The following MECOM variants were observed in gnomAD, a reference collection of about 807,000 sequenced individuals.
MECOM encodes MDS1 and EVI1 complex locus.
MECOM carries 13 observed loss-of-function variants against 116.3 expected under a neutral mutation model. The observed-to-expected ratio is 0.11, with a 90% CI of 0.07 to 0.18. MECOM has a LOEUF of 0.18. Ranked by LOEUF, MECOM falls within the 10% of genes least tolerant of loss-of-function variation. The pLI, the probability that MECOM is intolerant of heterozygous loss-of-function variation, is 1.00. For missense variants in MECOM, 1,299 were observed against 1,509.0 expected (o/e 0.86, Z 2.31); for synonymous variants, 528 against 535.2 (o/e 0.99, Z 0.19).
intron 2 of MECOM, among the ~76,000 whole-genome samples, chr3:169,157,774 T>C (rs1742207337): frequency 6.6e-6 from 1 of 152,058 alleles, no homozygotes; most frequent in Non-Finnish European, 1.5e-5. Context: ...GGAAAACAAA[T>C]CCAAGTTTGC....
Position 169,122,735 on chromosome 3 carries a change from G to A in MECOM, c.831-8C>T. 1 of 1,611,860 alleles carries A rather than the reference G, an allele frequency of 6.2e-7. No homozygotes were observed. Among genetic ancestry groups the A allele is most frequent in the Non-Finnish European group, 8.5e-7 (1 of 1,178,508 alleles). On this transcript the variant is annotated splice_region_variant and splice_polypyrimidine_tract_variant and intron_variant, in intron 5 of 16. Transcript: ENST00000651503. Reference sequence around the variant, plus strand: ...AGCATGTGTTTCTCCAGGCTGTTAAGAGAACAATAGATTTTAAAAGACAAA... The same window carrying A: ...AGCATGTGTTTCTCCAGGCTGTTAAAAGAACAATAGATTTTAAAAGACAAA...
chr3:169,533,798 T>C (rs977184159), intron 1 of MECOM, among the ~76,000 whole-genome samples: 1 of 152,156 alleles, frequency 6.6e-6, no homozygotes, highest in African/African-American at 2.4e-5. Context: ...TATTACTTAC[T>C]GAAGGCTCCT....
chr3:169,512,321 C>T (rs1469479277), intron 1 of MECOM, among the ~76,000 whole-genome samples: 1 of 152,206 alleles, frequency 6.6e-6, no homozygotes, highest in African/African-American at 2.4e-5. Context: ...TTCCTCTGTT[C>T]CCAGATTTTT....
intron 1 of MECOM, among the ~76,000 whole-genome samples, chr3:169,559,825 A>G (rs1019879626): frequency 2.0e-5 from 3 of 152,150 alleles, no homozygotes; most frequent in African/African-American, 7.2e-5. Context: ...AAACCACACC[A>G]CCACTTACAA....
intron 1 of MECOM, among the ~76,000 whole-genome samples, chr3:169,455,078 G>A (rs1298648073): frequency 1.3e-5 from 2 of 152,134 alleles, no homozygotes; most frequent in Non-Finnish European, 2.9e-5. Context: ...ACATCATCAT[G>A]TGAATGAAAC....
chr3:169,264,420 T>G (rs1577514077), intron 2 of MECOM, among the ~76,000 whole-genome samples: 1 of 152,310 alleles, frequency 6.6e-6, no homozygotes, highest in East Asian at 1.9e-4. Context: ...GTATCGGTAT[T>G]TTAGTTGCAA....
rs532508194 is a variant in MECOM, at chr3:169,385,438, C to T, written c.38-3914G>A. Among the ~76,000 whole-genome samples the T allele has an allele frequency of 6.7e-4, 102 of 151,918 alleles. 1 individual carries two copies. Among genetic ancestry groups the T allele is most frequent in the Non-Finnish European group, 9.6e-4 (65 of 68,002 alleles). ...CAAGCACTAAATATATATGCAAGTG[C>T]AGGCAATTTGTTTTGAAGCCACTTT... On this transcript the variant is annotated intron_variant, in intron 1 of 16. Transcript: ENST00000651503.
In MECOM at chr3:169,416,656, G is replaced by T. The variant is rs181666098; in HGVS notation, c.38-35132C>A. 4.3e-3 allele frequency among the ~76,000 whole-genome samples: 654 copies of T among 151,906 alleles called. 4 individuals carry two copies. Among genetic ancestry groups the T allele is most frequent in the Non-Finnish European group, 7.4e-3 (506 of 67,930 alleles). On this transcript the variant is annotated intron_variant, in intron 1 of 16. Coordinates refer to ENST00000651503, the MANE Select transcript of MECOM (RefSeq NM_004991.4). Reference sequence around the variant, plus strand: ...CTAGCTAGACTAATAAGGAAGAAAAGAGAGACAAATCAAATAGGCACAATA... The same window carrying T: ...CTAGCTAGACTAATAAGGAAGAAAATAGAGACAAATCAAATAGGCACAATA...
At chr3:169,233,629 G>A (rs1753681257) in intron 2 of MECOM, among the ~76,000 whole-genome samples, 1 of 152,036 alleles carries the variant, frequency 6.6e-6, no homozygotes, top group East Asian at 1.9e-4. Flanking sequence ...ACTCTCTAAA[G>A]CTCACTCGAC....
chr3:169,421,022 T>C (rs551462252), intron 1 of MECOM, among the ~76,000 whole-genome samples: 8 of 152,246 alleles, frequency 5.3e-5, no homozygotes, highest in Admixed American at 3.9e-4. Flanking sequence ...GACAGTGTAC[T>C]GTATTTTTCT....
chr3:169,550,001 C>T (rs1393464057), intron 1 of MECOM, among the ~76,000 whole-genome samples: 2 of 152,050 alleles, frequency 1.3e-5, no homozygotes, highest in Non-Finnish European at 1.5e-5. Context: ...GGTGAGAAAT[C>T]TCCATACGGA....
chr3:169,087,790 T>A, intron 16 of MECOM, among the ~76,000 whole-genome samples: 1 of 152,310 alleles, frequency 6.6e-6, no homozygotes, highest in South Asian at 2.1e-4. Flanking sequence ...AACTTCATTT[T>A]TATCCCCATT....
At chr3:169,151,619 A>C (rs1464330127) in intron 2 of MECOM, among the ~76,000 whole-genome samples, 1 of 152,246 alleles carries the variant, frequency 6.6e-6, no homozygotes, top group Non-Finnish European at 1.5e-5. Flanking sequence ...GAAGCATGAA[A>C]TAATCTGAGA....
chr3:169,644,469 C>T (rs925525328), intron 1 of MECOM, among the ~76,000 whole-genome samples: 1 of 152,008 alleles, frequency 6.6e-6, no homozygotes, highest in Non-Finnish European at 1.5e-5. Flanking sequence ...GTTGGCCAGG[C>T]TGGTCTCAAA....
intron 1 of MECOM, among the ~76,000 whole-genome samples, chr3:169,382,487 A>G (rs1040208396): frequency 1.3e-5 from 2 of 152,080 alleles, no homozygotes; most frequent in Non-Finnish European, 2.9e-5. Context: ...TAAGACCTCT[A>G]TGAAACTTGT....
At position 169,180,786 on chromosome 3, in the gene MECOM, G is replaced by A. The variant is rs1248196503; in HGVS notation, c.376-36954C>T. Among the ~76,000 whole-genome samples, 6 of 81,598 alleles carry A rather than the reference G, an allele frequency of 7.4e-5. 1 individual carries two copies. The highest frequency in any genetic ancestry group is 2.9e-4 in the African/African-American group (6 of 21,034). The allele number at this position is 81,598 out of a possible 152,430, so 53.5% of individuals were successfully genotyped here. ...ATTCTCTTTATGTATGTGTGTGTGT[G>A]TGGAGATGATATATATATATATATA... is the stretch of plus-strand genomic sequence containing the variant. On this transcript the variant is annotated intron_variant, in intron 2 of 16. Transcript: ENST00000651503.
chr3:169,220,236 G>A (rs766834511), intron 2 of MECOM, among the ~76,000 whole-genome samples: 1 of 152,018 alleles, frequency 6.6e-6, no homozygotes, highest in Non-Finnish European at 1.5e-5. Context: ...AGGCTGAGGT[G>A]AGAGGATCAC....
intron 2 of MECOM, among the ~76,000 whole-genome samples, chr3:169,309,542 C>T (rs961962825): frequency 6.6e-6 from 1 of 152,086 alleles, no homozygotes; most frequent in African/African-American, 2.4e-5. Flanking sequence ...TAAAAGGAAA[C>T]ATATCTTCTC....
intron 2 of MECOM, among the ~76,000 whole-genome samples, chr3:169,360,333 A>G (rs3980665): frequency 7.9e-4 from 114 of 144,066 alleles, no homozygotes; most frequent in African/African-American, 2.4e-3. Context: ...AAAAAAAAAG[A>G]AAAAAAAAAA....
Sources: allele counts gnomAD v4.1 joint callset (sites outside exome capture counted in the v4.1 genomes callset), GRCh38; gene constraint gnomAD v4.1.1; transcripts MANE v1.5; gene names NCBI Gene and HGNC (gene_info 2026-07-23, HGNC 2026-07-21).